Variants in POT1 observed in about 807,000 individuals in gnomAD.
POT1 encodes the protein protection of telomeres 1, also known as protection of telomeres protein 1.
A neutral mutation model predicts 78.5 loss-of-function variants in POT1; 47 were observed. That is an observed-to-expected ratio of 0.60 (90% CI 0.47 to 0.76). The LOEUF is 0.76. Among genes scored for constraint, POT1 ranks in the 30% least tolerant of loss-of-function variants. The probability of loss-of-function intolerance (pLI) is 0.00; values close to 1 mark genes in which losing one functional copy is unlikely to be tolerated. For synonymous variants in POT1, 259 were observed against 260.7 expected, an observed-to-expected ratio of 0.99 and a Z score of 0.06; for missense variants, 646 against 749.9, an observed-to-expected ratio of 0.86 and a Z score of 1.62.
intron 6 of POT1, among the ~76,000 whole-genome samples, chr7:124,875,667 G>A (rs1795974381): frequency 6.6e-6 from 1 of 152,144 alleles, no homozygotes; most frequent in South Asian, 2.1e-4. Flanking sequence ...TTTATCTCCA[G>A]ATGATATCCT....
chr7:124,896,837 T>C (rs768866120), intron 5 of POT1, among the ~76,000 whole-genome samples: 2 of 151,662 alleles, frequency 1.3e-5, no homozygotes, highest in African/African-American at 2.4e-5. Context: ...TAAAAAGAAA[T>C]GAATTTGCCT....
At chr7:124,899,905 T>C (rs1584512396) in intron 3 of POT1, among the ~76,000 whole-genome samples, 1 of 152,124 alleles carries the variant, frequency 6.6e-6, no homozygotes, top group East Asian at 1.9e-4. Context: ...TGCATTTCTT[T>C]TATCATGAAG....
Position 124,840,973 on chromosome 7 carries a change from C to T in POT1, c.1369G>A (p.Gly457Arg). Residue 457 changes from glycine to arginine, a missense_variant and splice_region_variant, in exon 14 of 19, where the codon GGA becomes AGA. By Grantham distance (125) the Gly-to-Arg change is moderately radical. Coordinates refer to ENST00000357628, the MANE Select transcript of POT1 (RefSeq NM_015450.3). Reference sequence around the variant, plus strand: ...CAAAACAGTGACTTAAATATCTTACCTTCTATCAAAAGTAGACATTCATTT... The same window carrying T: ...CAAAACAGTGACTTAAATATCTTACTTTCTATCAAAAGTAGACATTCATTT... ...LSNECLLLIE[G>R]GTLSEICKLS... 6.3e-7 allele frequency: 1 copy of T among 1,587,712 alleles called. No individual in the cohort carries two copies. Among genetic ancestry groups the T allele is most frequent in the Non-Finnish European group, 8.6e-7 (1 of 1,158,412 alleles).
At chr7:124,904,894 T>C (rs929920636) in intron 3 of POT1, among the ~76,000 whole-genome samples, 1 of 152,186 alleles carries the variant, frequency 6.6e-6, no homozygotes, top group Non-Finnish European at 1.5e-5. Context: ...CCATTCACAA[T>C]TGCTTCAAAG....
intron 8 of POT1, among the ~76,000 whole-genome samples, chr7:124,860,000 A>T (rs946504437): frequency 6.6e-6 from 1 of 152,074 alleles, no homozygotes; most frequent in Non-Finnish European, 1.5e-5. Flanking sequence ...TACCAATATT[A>T]ATATTGTGCC....
chr7:124,855,278 T>G (rs1046215862), intron 9 of POT1, among the ~76,000 whole-genome samples: 2 of 143,392 alleles, frequency 1.4e-5, no homozygotes, highest in Non-Finnish European at 1.5e-5. Flanking sequence ...AGGTTCGATG[T>G]GTAGAGTTTT....
chr7:124,900,903 G>A (rs1210892012), intron 3 of POT1: 11 of 322,380 alleles, frequency 3.4e-5, no homozygotes, highest in African/African-American at 1.3e-4. Flanking sequence ...CTCATTGCTG[G>A]CACAGCAGTC....
At position 124,842,980 on chromosome 7, in the gene POT1, T is replaced by A; in HGVS notation, c.1007-17A>T. On this transcript the variant is annotated splice_polypyrimidine_tract_variant and intron_variant, in intron 12 of 18. Coordinates refer to ENST00000357628, the MANE Select transcript of POT1 (RefSeq NM_015450.3). ...CTGTAAGTACTGTAAAGAATTTTTA[T>A]ATTCAATCAGAATAACAAGAATCAT... 6.6e-7 allele frequency: 1 copy of A among 1,506,054 alleles called. No homozygotes were observed. Among genetic ancestry groups the A allele is most frequent in the Non-Finnish European group, 8.9e-7 (1 of 1,118,638 alleles). The allele number at this position is 1,506,054 out of a possible 1,614,324, so 93.3% of individuals were successfully genotyped here. A position where few individuals can be genotyped will look rare whatever the true frequency, so the allele number is the denominator to read the frequency against.
chr7:124,827,017 T>C (rs888655981), intron 17 of POT1, among the ~76,000 whole-genome samples, 197 bp downstream of exon 17: 2 of 152,194 alleles, frequency 1.3e-5, no homozygotes, highest in African/African-American at 4.8e-5. Flanking sequence ...TTTTTCACTA[T>C]TCAAATGTTA....
rs1795656277 is a variant in POT1 at position 124,863,719 on chromosome 7, G to A, written c.256-79C>T. 4 of 1,127,728 alleles carry A rather than the reference G, an allele frequency of 3.5e-6. No individual in the cohort carries two copies. In the South Asian group the frequency reaches 4.6e-5, roughly 13 times the overall value. The allele number at this position is 1,127,728 out of a possible 1,614,324, so 69.9% of individuals were successfully genotyped here. A position where few individuals can be genotyped will look rare whatever the true frequency, so the allele number is the denominator to read the frequency against. On this transcript the variant is annotated intron_variant, in intron 7 of 18. Coordinates refer to ENST00000357628, the MANE Select transcript of POT1 (RefSeq NM_015450.3). ...GCACAACCTACGAACCAAAGAAACT[G>A]GAAAGATTATCAATTTTGCCAGCAT...
intron 14 of POT1, among the ~76,000 whole-genome samples, chr7:124,836,401 C>G (rs1472341207): frequency 6.6e-6 from 1 of 152,146 alleles, no homozygotes; most frequent in Non-Finnish European, 1.5e-5. Flanking sequence ...GATAGAAACT[C>G]TCATTATGCA....
At chr7:124,830,522 T>C (rs774139378) in intron 15 of POT1, among the ~76,000 whole-genome samples, 1 of 152,008 alleles carries the variant, frequency 6.6e-6, no homozygotes, top group Non-Finnish European at 1.5e-5. Context: ...GACTACGATA[T>C]TGATTAGCAT....
chr7:124,899,738 G>A (rs1371906706), intron 3 of POT1, among the ~76,000 whole-genome samples: 2 of 95,346 alleles, frequency 2.1e-5, no homozygotes, highest in East Asian at 5.3e-4. Context: ...AATTATCCAA[G>A]TAGAAAAAAA....
chr7:124,884,746 T>C, intron 6 of POT1, among the ~76,000 whole-genome samples: 1 of 152,202 alleles, frequency 6.6e-6, no homozygotes, highest in South Asian at 2.1e-4. Context: ...CTATTTTTCC[T>C]ATTTGCTCAC....
chr7:124,886,282 C>G (rs1295359603), intron 6 of POT1, among the ~76,000 whole-genome samples: 3 of 152,156 alleles, frequency 2.0e-5, no homozygotes, highest in Non-Finnish European at 2.9e-5. Flanking sequence ...CACCACATAA[C>G]TAGCTATATA....
chr7:124,892,357 A>G lies in POT1; in HGVS notation c.33T>C (p.Tyr11=). MSLVPATNYI[Y]TPLNQLKGGT... is the part of the protein sequence containing the mutation. Reference sequence around the variant, plus strand: ...CACCCTTAAGTTGATTCAGGGGTGTATATATATAATTTGTTGCTGGAACCT... The same window carrying G: ...CACCCTTAAGTTGATTCAGGGGTGTGTATATATAATTTGTTGCTGGAACCT... Residue 11 remains tyrosine, a synonymous_variant, in exon 6 of 19, where the codon TAT becomes TAC. Transcript: ENST00000357628. 6.7e-7 allele frequency: 1 copy of G among 1,484,782 alleles called. No individual in the cohort carries two copies. Among genetic ancestry groups the G allele is most frequent in the Non-Finnish European group, 8.9e-7 (1 of 1,121,622 alleles). 92.0% of individuals were successfully genotyped at this position (1,484,782 alleles called of 1,614,324 possible). A position where few individuals can be genotyped will look rare whatever the true frequency, so the allele number is the denominator to read the frequency against.
chr7:124,891,611 A>G (rs948047609), intron 6 of POT1, among the ~76,000 whole-genome samples: 1 of 151,282 alleles, frequency 6.6e-6, no homozygotes, highest in Admixed American at 6.6e-5. Context: ...TTCTCTTGCT[A>G]TCTTCCTTTG....
At chr7:124,883,925 T>A (rs1796182691) in intron 6 of POT1, among the ~76,000 whole-genome samples, 2 of 152,004 alleles carry the variant, frequency 1.3e-5, no homozygotes, top group African/African-American at 2.4e-5. Context: ...GAAGTAACAA[T>A]GAGTGATTAA....
At chr7:124,848,348 TA>T (rs1234213498) in intron 11 of POT1, among the ~76,000 whole-genome samples, 1 of 152,058 alleles carries the variant, frequency 6.6e-6, no homozygotes, top group African/African-American at 2.4e-5. Context: ...TTGAAATGTA[TA>T]AAAAATATAA....
Sources: allele counts gnomAD v4.1 joint callset (sites outside exome capture counted in the v4.1 genomes callset), GRCh38; gene constraint gnomAD v4.1.1; transcripts MANE v1.5; gene names NCBI Gene and HGNC (gene_info 2026-07-23, HGNC 2026-07-21).